Variants in ACTR3B observed in about 807,000 individuals in gnomAD.
The protein encoded by ACTR3B is actin related protein 3B.
Under a neutral mutation model 59.0 loss-of-function variants are expected in ACTR3B, and 8 were observed. The ratio of observed to expected loss-of-function variants is 0.14; its 90% CI spans 0.08 to 0.24. ACTR3B has a LOEUF of 0.24. Ranked by LOEUF, ACTR3B falls within the 10% of genes least tolerant of loss-of-function variation. The probability of loss-of-function intolerance (pLI) is 1.00; values close to 1 mark genes in which losing one functional copy is unlikely to be tolerated. For synonymous variants in ACTR3B, 148 were observed against 197.9 expected, an observed-to-expected ratio of 0.75 and a Z score of 2.12; for missense variants, 245 against 552.3, an observed-to-expected ratio of 0.44 and a Z score of 5.58.
intron 9 of ACTR3B, among the ~76,000 whole-genome samples, chr7:152,846,140 C>G (rs567581820): frequency 2.6e-5 from 4 of 152,032 alleles, no homozygotes; most frequent in African/African-American, 9.7e-5. Context: ...GCAGTGAGCT[C>G]TAGTGCCCGG....
intron 1 of ACTR3B, among the ~76,000 whole-genome samples, chr7:152,767,702 T>C (rs1014901785): frequency 6.6e-6 from 1 of 152,228 alleles, no homozygotes; most frequent in Non-Finnish European, 1.5e-5. Context: ...GTAGATTTCT[T>C]GTTAACTTTA....
intron 3 of ACTR3B, among the ~76,000 whole-genome samples, chr7:152,801,034 T>G (rs1352729593): frequency 4.6e-5 from 7 of 152,414 alleles, no homozygotes; most frequent in African/African-American, 1.7e-4. Context: ...CCAGATCCAA[T>G]TGTATGATAA....
intron 2 of ACTR3B, among the ~76,000 whole-genome samples, chr7:152,796,322 A>G (rs1360527225): frequency 6.6e-6 from 1 of 152,090 alleles, no homozygotes; most frequent in Non-Finnish European, 1.5e-5. Context: ...TAGAAGTGGA[A>G]TTGCTGGATA....
At chr7:152,790,506 A>G (rs1372952013) in intron 2 of ACTR3B, among the ~76,000 whole-genome samples, 1 of 152,036 alleles carries the variant, frequency 6.6e-6, no homozygotes, top group Non-Finnish European at 1.5e-5. Flanking sequence ...CATTTTTGGG[A>G]TAAATCCTAC....
At chr7:152,817,227 A>G (rs2116835946) in intron 6 of ACTR3B, among the ~76,000 whole-genome samples, 2 of 152,290 alleles carry the variant, frequency 1.3e-5, no homozygotes, top group South Asian at 4.2e-4. Flanking sequence ...TCTACTACAA[A>G]TGCAAAATTA....
chr7:152,769,663 C>T (rs1408917252), intron 1 of ACTR3B, among the ~76,000 whole-genome samples: 1 of 151,754 alleles, frequency 6.6e-6, no homozygotes, highest in African/African-American at 2.4e-5. Context: ...TGTATTTAAA[C>T]ATCTTTTGCC....
chr7:152,779,568 T>G (rs2098145406), intron 1 of ACTR3B, among the ~76,000 whole-genome samples: 1 of 152,228 alleles, frequency 6.6e-6, no homozygotes, highest in Non-Finnish European at 1.5e-5. Context: ...ACGTTTCTTT[T>G]TTTGGTAAAT....
At position 152,778,943 on chromosome 7, in the gene ACTR3B, C is replaced by CAA. The variant is rs59789390; in HGVS notation, c.45-4203_45-4202dup. Reference sequence around the variant, plus strand: ...GGGTGACAGAGTGAGACTGTGTCTCCAAAAAAAAAAAAAAAAAAAAAAAAA... The same window carrying CAA: ...GGGTGACAGAGTGAGACTGTGTCTCCAAAAAAAAAAAAAAAAAAAAAAAAAAA... On this transcript the variant is annotated intron_variant, in intron 1 of 11. Transcript: ENST00000256001. Among the ~76,000 whole-genome samples, 43 of 36,826 alleles carry CAA rather than the reference C, an allele frequency of 1.2e-3. 6 individuals are homozygous for CAA. The highest frequency in any genetic ancestry group is 1.6e-3 in the Non-Finnish European group (36 of 22,718). The allele number at this position is 36,826 out of a possible 152,430, so 24.2% of individuals were successfully genotyped here. A position where few individuals can be genotyped will look rare whatever the true frequency, so the allele number is the denominator to read the frequency against.
chr7:152,809,893 C>T (rs1416735322), intron 4 of ACTR3B, among the ~76,000 whole-genome samples: 1 of 146,550 alleles, frequency 6.8e-6, no homozygotes, highest in Non-Finnish European at 1.5e-5. Flanking sequence ...TACTGTTGCA[C>T]ACCTTGGATT....
intron 1 of ACTR3B, among the ~76,000 whole-genome samples, chr7:152,762,162 C>T (rs1325528195): frequency 2.0e-5 from 3 of 152,124 alleles, no homozygotes; most frequent in Non-Finnish European, 2.9e-5. Flanking sequence ...CTCAGGTAAA[C>T]CCCGAGACTA....
At chr7:152,809,025 A>G (rs2098261177) in intron 4 of ACTR3B, among the ~76,000 whole-genome samples, 1 of 152,106 alleles carries the variant, frequency 6.6e-6, no homozygotes, top group South Asian at 2.1e-4. Flanking sequence ...GTAATCGCTA[A>G]CATTTATACT....
chr7:152,792,820 A>G (rs2098201525), intron 2 of ACTR3B, among the ~76,000 whole-genome samples: 1 of 152,076 alleles, frequency 6.6e-6, no homozygotes, highest in Non-Finnish European at 1.5e-5. Flanking sequence ...ATCCCAAGCC[A>G]TTCTTTTGAA....
rs2098231382 is a variant in ACTR3B at position 152,800,373 on chromosome 7, G to A, written c.101-158G>A. On this transcript the variant is annotated intron_variant, in intron 2 of 11. Transcript: ENST00000256001. ...ATAGCCTGCTTCTGTATTATTTTAT[G>A]TACTCATTGACATTGTCTTTTCTGT... 2.0e-5 allele frequency among the ~76,000 whole-genome samples: 3 copies of A among 152,278 alleles called. No individual in the cohort carries two copies. The South Asian group carries it at 6.2e-4, about 31-fold the overall frequency.
At chr7:152,847,577 A>G (rs1798451048) in intron 9 of ACTR3B, among the ~76,000 whole-genome samples, 1 of 152,206 alleles carries the variant, frequency 6.6e-6, no homozygotes, top group Non-Finnish European at 1.5e-5. Flanking sequence ...TGAAACAGGC[A>G]GGAAAGTATA....
intron 1 of ACTR3B, among the ~76,000 whole-genome samples, chr7:152,782,179 A>T (rs555054820): frequency 6.6e-6 from 1 of 151,536 alleles, no homozygotes; most frequent in Non-Finnish European, 1.5e-5. Context: ...AATATTAAGC[A>T]TATTGAAATA....
intron 9 of ACTR3B, among the ~76,000 whole-genome samples, chr7:152,826,555 T>C (rs561460894): frequency 6.6e-6 from 1 of 152,356 alleles, no homozygotes; most frequent in East Asian, 1.9e-4. Flanking sequence ...GACTGGAGTA[T>C]GCAAATGAAG....
intron 2 of ACTR3B, among the ~76,000 whole-genome samples, chr7:152,796,860 GTTTTTTTTTTTTTTTTTTT>G (rs779909545): frequency 3.7e-5 from 2 of 54,750 alleles, no homozygotes; most frequent in African/African-American, 1.4e-4. Context: ...TAGTTTTTGT[GTTTTTTTTTTTTTTTTTTT>G]TTTTTTTTTT....
At position 152,759,769 on chromosome 7, in the gene ACTR3B, C is replaced by A; in HGVS notation, c.-114C>A. ...CGCCGAGCATCCGGGCTCCCGGCAG[C>A]GGCGCTGCGGCGGCTCGCGGGAGAC... On this transcript the variant is annotated 5_prime_UTR_variant, in exon 1 of 12. Transcript: ENST00000256001. 2.4e-6 allele frequency: 2 copies of A among 842,950 alleles called. No homozygotes were observed. Among genetic ancestry groups the A allele is most frequent in the Non-Finnish European group, 1.5e-6 (1 of 678,074 alleles). 52.2% of individuals were successfully genotyped at this position (842,950 alleles called of 1,614,324 possible). A position where few individuals can be genotyped will look rare whatever the true frequency, so the allele number is the denominator to read the frequency against.
intron 9 of ACTR3B, among the ~76,000 whole-genome samples, chr7:152,846,850 T>C (rs1798363092): frequency 7.0e-6 from 1 of 142,674 alleles, no homozygotes; most frequent in South Asian, 2.3e-4. Context: ...TAGTCTGCAG[T>C]GAGCTCTAGT....
Sources: allele counts gnomAD v4.1 joint callset (sites outside exome capture counted in the v4.1 genomes callset), GRCh38; gene constraint gnomAD v4.1.1; transcripts MANE v1.5; gene names NCBI Gene and HGNC (gene_info 2026-07-23, HGNC 2026-07-21).